NDUFA9: variants seen among roughly 807,000 people sequenced by gnomAD.
NDUFA9 encodes NADH dehydrogenase [ubiquinone] 1 alpha subcomplex subunit 9, mitochondrial.
NDUFA9 carries 23 observed loss-of-function variants against 45.9 expected under a neutral mutation model. The observed-to-expected ratio is 0.50, with a 90% CI of 0.36 to 0.71. The LOEUF is 0.71. NDUFA9 is among the 30% of genes least tolerant of loss of function. The pLI, the probability that NDUFA9 is intolerant of heterozygous loss-of-function variation, is 0.00. For synonymous variants in NDUFA9, 176 were observed against 170.5 expected (o/e 1.03, Z -0.25); for missense variants, 466 against 488.2 (o/e 0.95, Z 0.43).
intron 8 of NDUFA9, among the ~76,000 whole-genome samples, chr12:4,675,553 A>G (rs1945914518): frequency 6.6e-6 from 1 of 152,240 alleles, no homozygotes; most frequent in African/African-American, 2.4e-5. Flanking sequence ...TAAACTAGAA[A>G]ATCTAGAAGA....
In NDUFA9 at chr12:4,693,997, G is replaced by C. The variant is rs1221903142; in HGVS notation, c.*6889G>C. ...ACTTGGAAATGGAAGTGTAGGGGGA[G>C]ATCCCATTGTACTTCAGTGGAAAAC... On this transcript the variant is annotated 3_prime_UTR_variant, in exon 11 of 11. Coordinates refer to ENST00000266544, the MANE Select transcript of NDUFA9 (RefSeq NM_005002.5). 2 of 152,196 alleles carry C rather than the reference G, an allele frequency of 1.3e-5. No individual in the cohort carries two copies. Among genetic ancestry groups the C allele is most frequent in the Admixed American group, 1.3e-4 (2 of 15,280 alleles). 9.4% of individuals were successfully genotyped at this position (152,196 alleles called of 1,614,324 possible).
intron 9 of NDUFA9, among the ~76,000 whole-genome samples, chr12:4,682,955 A>G (rs534081785): frequency 9.9e-5 from 15 of 152,254 alleles, no homozygotes; most frequent in African/African-American, 3.6e-4. Flanking sequence ...AGTCCCACCT[A>G]CTGGGGTGGA....
rs1331262475 is a variant in NDUFA9, at chr12:4,687,031, C to G, written c.1057C>G (p.Leu353Val). Residue 353 changes from leucine to valine, a missense_variant, in exon 11 of 11, where the codon CTG (leucine) becomes GTG (valine). Physicochemically the swap from Leu to Val is conservative, Grantham distance 32. Transcript: ENST00000266544. The part of the protein sequence containing the change: ...TPLELKAIEV[L>V]RRHRTYRWLS... ...ACTGGAACTCAAGGCCATTGAGGTG[C>G]TGCGGCGTCATCGCACTTACCGCTG... The G allele has an allele frequency of 6.2e-7, 1 of 1,614,178 alleles. No individual in the cohort carries two copies. The highest frequency in any genetic ancestry group is 8.5e-7 in the Non-Finnish European group (1 of 1,180,042).
At chr12:4,652,480 T>C (rs1010666715) in intron 1 of NDUFA9, among the ~76,000 whole-genome samples, 1 of 152,200 alleles carries the variant, frequency 6.6e-6, no homozygotes, top group Non-Finnish European at 1.5e-5. Flanking sequence ...ATAAAATTGC[T>C]CTTATTTATG....
intron 9 of NDUFA9, among the ~76,000 whole-genome samples, chr12:4,684,743 C>T (rs530023768): frequency 2.0e-5 from 3 of 151,670 alleles, no homozygotes; most frequent in Non-Finnish European, 4.4e-5. Flanking sequence ...TGGCCTTTTC[C>T]GTTTTGGGTT....
intron 5 of NDUFA9, 69 bp from the exon 6 acceptor site, chr12:4,662,464 A>G: frequency 8.8e-7 from 1 of 1,139,874 alleles, no homozygotes; most frequent in Non-Finnish European, 1.3e-6. Context: ...ATGTCTTAAT[A>G]GTGGAAAGAA....
At position 4,655,873 on chromosome 12, in the gene NDUFA9, A is replaced by T. The variant is rs565034654; in HGVS notation, c.318+951A>T. The T allele has an allele frequency of 3.9e-5, 6 of 152,322 alleles. No individual in the cohort carries two copies. The East Asian group carries it at 9.7e-4, about 25-fold the overall frequency. 9.4% of individuals were successfully genotyped at this position (152,322 alleles called of 1,614,324 possible). A position where few individuals can be genotyped will look rare whatever the true frequency, so the allele number is the denominator to read the frequency against. ...CTGGTTATTAGGTACAGGCACAGGG[A>T]TGCTAAATATCCTACGGAGCACAGG... On this transcript the variant is annotated intron_variant, in intron 3 of 10. Coordinates refer to ENST00000266544, the MANE Select transcript of NDUFA9 (RefSeq NM_005002.5).
At chr12:4,655,471 C>T (rs1248976405) in intron 3 of NDUFA9, 8 of 151,968 alleles carry the variant, frequency 5.3e-5, no homozygotes, top group Admixed American at 1.3e-4. Flanking sequence ...AAACAATATA[C>T]GATTCATCAT....
At position 4,669,817 on chromosome 12, in the gene NDUFA9, G is replaced by A; in HGVS notation, c.800G>A (p.Gly267Asp). Residue 267 changes from glycine to aspartate, a missense_variant and splice_region_variant, in exon 8 of 11, where the codon GGT (glycine) becomes GAT (aspartate). By Grantham distance (94) the Gly-to-Asp change is moderately conservative. Transcript: ENST00000266544. ...DANGKSFAFV[G>D]PSRYLLFHLV... ...AATGGGAAATCCTTTGCTTTCGTTG[G>A]GTAAGTGCTTAGAGTTTGAATTTTA... 3.1e-6 allele frequency: 5 copies of A among 1,607,088 alleles called. No individual in the cohort carries two copies. The highest frequency in any genetic ancestry group is 4.3e-6 in the Non-Finnish European group (5 of 1,173,870).
chr12:4,660,582 CA>C (rs1396164955), intron 5 of NDUFA9, among the ~76,000 whole-genome samples: 1 of 152,034 alleles, frequency 6.6e-6, no homozygotes, highest in Non-Finnish European at 1.5e-5. Flanking sequence ...CAGAACATAC[CA>C]ATGGTTAGTA....
rs1184522285 is a variant in NDUFA9 at position 4,687,159 on chromosome 12, G to C, written c.*51G>C. 4 of 1,577,326 alleles carry C rather than the reference G, an allele frequency of 2.5e-6. No homozygotes were observed. In the South Asian group the frequency reaches 4.6e-5, roughly 18 times the overall value. On this transcript the variant is annotated 3_prime_UTR_variant, in exon 11 of 11. Transcript: ENST00000266544. The stretch of plus-strand genomic sequence containing the variant: ...GGCGTCTTTTGGGTCGGCCCATGTG[G>C]TTTGAGCACCCAGCCAGGCGGTCTC...
Position 4,669,734 on chromosome 12 carries a change from C to A in NDUFA9, c.724-7C>A. The A allele has an allele frequency of 6.4e-7, 1 of 1,561,322 alleles. No homozygotes were observed. The highest frequency in any genetic ancestry group is 8.8e-7 in the Non-Finnish European group (1 of 1,133,448). ...ATTACTTAGACATATATTATAATTT[C>A]TTACAGGTCGTAGATGTATCCAAAG... On this transcript the variant is annotated splice_polypyrimidine_tract_variant and splice_region_variant and intron_variant, in intron 7 of 10. Transcript: ENST00000266544.
At chr12:4,651,622 A>T (rs1488206949) in intron 1 of NDUFA9, among the ~76,000 whole-genome samples, 1 of 152,208 alleles carries the variant, frequency 6.6e-6, no homozygotes, top group Admixed American at 6.5e-5. Flanking sequence ...GTAATGTGCT[A>T]CGTGGTTTAT....
At chr12:4,664,266 C>T (rs188792459) in intron 6 of NDUFA9, among the ~76,000 whole-genome samples, 71 of 152,254 alleles carry the variant, frequency 4.7e-4, no homozygotes, top group Non-Finnish European at 6.9e-4. Flanking sequence ...GTGGATGCGA[C>T]TCACCAACTA....
At chr12:4,672,369 C>A (rs980290679) in intron 8 of NDUFA9, among the ~76,000 whole-genome samples, 1 of 152,098 alleles carries the variant, frequency 6.6e-6, no homozygotes, top group Non-Finnish European at 1.5e-5. Flanking sequence ...GCACCTGGAA[C>A]GCCAGTGAGA....
At position 4,692,365 on chromosome 12, in the gene NDUFA9, A is replaced by G. The variant is rs1006957857; in HGVS notation, c.*5257A>G. ...CTCCTCACCCCTTGTTCCTACTCCTACCATGTGAGGTGCTTGCTCCCTTTT... is the reference window on the plus strand; with the variant it reads ...CTCCTCACCCCTTGTTCCTACTCCTGCCATGTGAGGTGCTTGCTCCCTTTT... On this transcript the variant is annotated 3_prime_UTR_variant, in exon 11 of 11. Transcript: ENST00000266544. 1 of 152,164 alleles carries G rather than the reference A, an allele frequency of 6.6e-6. No individual in the cohort carries two copies. The highest frequency in any genetic ancestry group is 1.5e-5 in the Non-Finnish European group (1 of 68,046). 9.4% of individuals were successfully genotyped at this position (152,164 alleles called of 1,614,324 possible).
At chr12:4,682,771 A>C (rs530169460) in intron 9 of NDUFA9, among the ~76,000 whole-genome samples, 4 of 152,164 alleles carry the variant, frequency 2.6e-5, no homozygotes, top group Non-Finnish European at 4.4e-5. Flanking sequence ...TTGTGGGTTA[A>C]ATATCTTTGA....
At chr12:4,664,957 C>T (rs141927352) in intron 6 of NDUFA9, among the ~76,000 whole-genome samples, 1 of 152,244 alleles carries the variant, frequency 6.6e-6, no homozygotes, top group Admixed American at 6.5e-5. Flanking sequence ...GCCTGTCTCA[C>T]GGCTGTATTT....
At chr12:4,675,115 C>T (rs757752365) in intron 8 of NDUFA9, among the ~76,000 whole-genome samples, 6 of 152,184 alleles carry the variant, frequency 3.9e-5, no homozygotes, top group Middle Eastern at 3.4e-3. Context: ...TCTTTGAAAC[C>T]GATGAGAACA....
Sources: allele counts gnomAD v4.1 joint callset (sites outside exome capture counted in the v4.1 genomes callset), GRCh38; gene constraint gnomAD v4.1.1; transcripts MANE v1.5; gene names NCBI Gene and HGNC (gene_info 2026-07-23, HGNC 2026-07-21).